Variants in ABCA8 observed in about 807,000 individuals in gnomAD.
ABCA8 encodes the protein ABC-type organic anion transporter ABCA8.
ABCA8 carries 177 observed loss-of-function variants against 192.3 expected under a neutral mutation model. That is an observed-to-expected ratio of 0.92 (90% CI 0.81 to 1.04). The LOEUF (loss-of-function observed/expected upper bound fraction) is 1.04, where lower values mean the gene tolerates loss of function less well. Among genes scored for constraint, ABCA8 ranks in the 50% least tolerant of loss-of-function variants. The pLI, the probability that ABCA8 is intolerant of heterozygous loss-of-function variation, is 0.00. For missense variants in ABCA8, 1,915 were observed against 1,904.8 expected (o/e 1.01, Z -0.10); for synonymous variants, 642 against 690.2 (o/e 0.93, Z 1.09).
In ABCA8 at chr17:68,924,344, CA is replaced by C. The variant is rs71293545; in HGVS notation, c.1442+356del. On this transcript the variant is annotated intron_variant, in intron 11 of 39. Transcript: ENST00000586539. Reference sequence around the variant, plus strand: ...CTGGGCAACAAGAGCAAAATTCCGTCAAAAAAAAAAAAAAGGGAGATAGATG... The same window carrying C: ...CTGGGCAACAAGAGCAAAATTCCGTCAAAAAAAAAAAAAGGGAGATAGATG... Among the ~76,000 whole-genome samples, 352 of 130,766 alleles carry C rather than the reference CA, an allele frequency of 2.7e-3. 1 individual carries two copies. Among genetic ancestry groups the C allele is most frequent in the African/African-American group, 3.6e-3 (120 of 33,562 alleles). 85.8% of individuals were successfully genotyped at this position (130,766 alleles called of 152,430 possible). A position where few individuals can be genotyped will look rare whatever the true frequency, so the allele number is the denominator to read the frequency against.
intron 11 of ABCA8, 93 bp from the exon 12 acceptor site, chr17:68,922,393 GA>G: frequency 1.7e-5 from 15 of 873,466 alleles, no homozygotes; most frequent in Non-Finnish European, 2.2e-5. Flanking sequence ...TTAACTTCAG[GA>G]TACATGAAGA....
intron 10 of ABCA8, among the ~76,000 whole-genome samples, chr17:68,925,316 T>C (rs906123480): frequency 1.3e-5 from 2 of 152,192 alleles, no homozygotes; most frequent in African/African-American, 4.8e-5. Flanking sequence ...ATGACACATT[T>C]GTAAGAAAGA....
chr17:68,933,094 C>T, intron 6 of ABCA8, 74 bp downstream of exon 6: 1 of 1,047,832 alleles, frequency 9.5e-7, no homozygotes, highest in Non-Finnish European at 1.5e-6. Context: ...TATTTTCTTC[C>T]ATGAAACTTT....
At chr17:68,883,528 C>T (rs117329409) in intron 29 of ABCA8, among the ~76,000 whole-genome samples, 107 of 152,272 alleles carry the variant, frequency 7.0e-4, no homozygotes, top group Non-Finnish European at 1.3e-3. Context: ...ATGGGACCTG[C>T]CACATTTAAC....
chr17:68,917,486 TA>T (rs2067404452), intron 16 of ABCA8, 35 bp from the exon 17 acceptor site: 2 of 1,508,872 alleles, frequency 1.3e-6, no homozygotes, highest in African/African-American at 1.4e-5. Context: ...GAAAGTTTGT[TA>T]AAAAGTGGCC....
At chr17:68,870,355 G>C (rs1333729905) in intron 37 of ABCA8, among the ~76,000 whole-genome samples, 1 of 152,224 alleles carries the variant, frequency 6.6e-6, no homozygotes. Context: ...TCTTGGGACA[G>C]TTTGGGGAAC....
chr17:68,919,350 C>T lies in ABCA8; in HGVS notation c.1739G>A (p.Arg580Lys). 6.2e-7 allele frequency: 1 copy of T among 1,613,772 alleles called. No individual in the cohort carries two copies. Among genetic ancestry groups the T allele is most frequent in the Non-Finnish European group, 8.5e-7 (1 of 1,179,860 alleles). The part of the protein sequence containing the change: ...FDFLTVRENL[R>K]LFAKIKGILP... Reference sequence around the variant, plus strand: ...AATCCCTTTTATTTTAGCAAAGAGTCTGAGGTTTTCTCTTACAGTGAGGAA... The same window carrying T: ...AATCCCTTTTATTTTAGCAAAGAGTTTGAGGTTTTCTCTTACAGTGAGGAA... Residue 580 changes from arginine to lysine, a missense_variant, in exon 14 of 40, where the codon AGA becomes AAA. By Grantham distance (26) the Arg-to-Lys change is conservative. Coordinates refer to ENST00000586539, the MANE Select transcript of ABCA8 (RefSeq NM_001288985.2).
chr17:68,917,053 A>G (rs1253826508), intron 17 of ABCA8, among the ~76,000 whole-genome samples: 1 of 152,080 alleles, frequency 6.6e-6, no homozygotes, highest in Non-Finnish European at 1.5e-5. Context: ...GCGGATCACG[A>G]GGTCAGGAGA....
chr17:68,934,045 C>T (rs899400669), intron 5 of ABCA8, among the ~76,000 whole-genome samples: 3 of 151,984 alleles, frequency 2.0e-5, no homozygotes, highest in Non-Finnish European at 2.9e-5. Context: ...CTTTCCTGAA[C>T]GTTATGTATA....
chr17:68,924,875 T>C lies in ABCA8; in HGVS notation c.1274-6A>G, dbSNP rs753931211. 2 of 1,612,982 alleles carry C rather than the reference T, an allele frequency of 1.2e-6. No individual in the cohort carries two copies. The highest frequency in any genetic ancestry group is 3.3e-5 in the Admixed American group (2 of 59,820). Reference sequence around the variant, plus strand: ...ACGTCGATGTCCATATTCATCTACATGGCCAGAAGACAATTAAATATTGGG... The same window carrying C: ...ACGTCGATGTCCATATTCATCTACACGGCCAGAAGACAATTAAATATTGGG... On this transcript the variant is annotated splice_polypyrimidine_tract_variant and splice_region_variant and intron_variant, in intron 10 of 39. Coordinates refer to ENST00000586539, the MANE Select transcript of ABCA8 (RefSeq NM_001288985.2).
intron 37 of ABCA8, among the ~76,000 whole-genome samples, chr17:68,870,773 T>C (rs2066027914): frequency 6.6e-6 from 1 of 152,228 alleles, no homozygotes; most frequent in South Asian, 2.1e-4. Flanking sequence ...TTTACACATC[T>C]TGGCTATTAA....
At chr17:68,886,460 T>A (rs1166850165) in intron 26 of ABCA8, among the ~76,000 whole-genome samples, 1 of 152,216 alleles carries the variant, frequency 6.6e-6, no homozygotes, top group Non-Finnish European at 1.5e-5. Context: ...TTTTTCAGAT[T>A]TCATCTTTTA....
At chr17:68,946,407 A>G (rs1446530589) in intron 2 of ABCA8, among the ~76,000 whole-genome samples, 1 of 152,132 alleles carries the variant, frequency 6.6e-6, no homozygotes, top group Non-Finnish European at 1.5e-5. Flanking sequence ...CTGAGCACAG[A>G]GCTATACTCC....
intron 23 of ABCA8, among the ~76,000 whole-genome samples, chr17:68,891,865 T>C (rs2066630546): frequency 6.6e-6 from 1 of 152,208 alleles, no homozygotes; most frequent in African/African-American, 2.4e-5. Flanking sequence ...GCTTTATGAT[T>C]CTAAAATTTA....
intron 21 of ABCA8, among the ~76,000 whole-genome samples, chr17:68,902,202 G>A (rs2066933924): frequency 6.6e-6 from 1 of 152,094 alleles, no homozygotes; most frequent in South Asian, 2.1e-4. Flanking sequence ...AATACCACAT[G>A]TTGTATGAGT....
intron 12 of ABCA8, 32 bp downstream of exon 12, chr17:68,922,190 CTCTCTTTTTTTTTTTTTTTT>C: frequency 6.3e-6 from 4 of 639,488 alleles, no homozygotes; most frequent in East Asian, 6.9e-5. Flanking sequence ...TTCTTTCTCT[CTCTCTTTTTTTTTTTTTTTT>C]TTTTTTTTTT....
intron 21 of ABCA8, among the ~76,000 whole-genome samples, chr17:68,899,373 T>C (rs1446989210): frequency 6.6e-6 from 1 of 152,084 alleles, no homozygotes. Context: ...GAGACACATA[T>C]TAAATTTCAT....
At chr17:68,927,506 T>TG (rs1379728744) in intron 10 of ABCA8, among the ~76,000 whole-genome samples, 1 of 152,172 alleles carries the variant, frequency 6.6e-6, no homozygotes, top group Admixed American at 6.5e-5. Flanking sequence ...CAGGTTGAGC[T>TG]GGGCTTAGAC....
At chr17:68,934,049 A>T (rs1230375216) in intron 5 of ABCA8, among the ~76,000 whole-genome samples, 1 of 152,138 alleles carries the variant, frequency 6.6e-6, no homozygotes, top group Non-Finnish European at 1.5e-5. Context: ...CCTGAACGTT[A>T]TGTATATATA....
Sources: gnomAD v4.1 joint callset for allele counts (sites outside exome capture counted in the v4.1 genomes callset) on GRCh38, gnomAD v4.1.1 for gene constraint, MANE v1.5 for transcripts, NCBI Gene and HGNC (gene_info 2026-07-23, HGNC 2026-07-21) for gene names.